The following AGPAT5 variants were observed in gnomAD, a reference collection of about 807,000 sequenced individuals.
The protein encoded by AGPAT5 is 1-acylglycerol-3-phosphate O-acyltransferase 5, also known as 1-acyl-sn-glycerol-3-phosphate acyltransferase epsilon.
AGPAT5 carries 46 observed loss-of-function variants against 45.6 expected under a neutral mutation model. That is an observed-to-expected ratio of 1.01 (90% confidence interval 0.80 to 1.29). AGPAT5 has a LOEUF of 1.29. AGPAT5 is among the 50% of genes most tolerant of loss of function. The pLI is 0.00. For missense variants in AGPAT5, 673 were observed against 450.7 expected, an observed-to-expected ratio of 1.49 and a Z score of -4.47; for synonymous variants, 272 against 167.0, an observed-to-expected ratio of 1.63 and a Z score of -4.85.
rs1801900249 is a variant in AGPAT5, at chr8:6,757,927, T to G, written c.*539T>G. ...AAAAGTGTTCATGGGGAAAAAGCTC[T>G]GTTTAGCACATGATTTTATTGTATT... On this transcript the variant is annotated 3_prime_UTR_variant, in exon 8 of 8. Coordinates refer to ENST00000285518, the MANE Select transcript of AGPAT5 (RefSeq NM_018361.5). 1 of 152,598 alleles carries G rather than the reference T, an allele frequency of 6.6e-6. No individual in the cohort carries two copies. The highest frequency in any genetic ancestry group is 6.5e-5 in the Admixed American group (1 of 15,348). 9.5% of individuals were successfully genotyped at this position (152,598 alleles called of 1,614,324 possible).
At chr8:6,709,088 G>A in intron 1 of AGPAT5, 1 of 665,926 alleles carries the variant, frequency 1.5e-6, no homozygotes. Context: ...CTGTGGCTGC[G>A]TCGTCCTGAG....
intron 1 of AGPAT5, 172 bp downstream of exon 1, chr8:6,709,059 G>C: frequency 1.4e-6 from 1 of 740,060 alleles, no homozygotes; most frequent in South Asian, 1.5e-5. Context: ...CCGTTCTGCC[G>C]AGATCGCTCT....
At chr8:6,708,975 C>T in intron 1 of AGPAT5, 88 bp downstream of exon 1, 4 of 1,340,924 alleles carry the variant, frequency 3.0e-6, no homozygotes, top group African/African-American at 1.4e-5. Context: ...TGGCGAGGGT[C>T]ACCCGGCCGG....
At position 6,720,882 on chromosome 8, in the gene AGPAT5, G is replaced by C. The variant is rs535966078; in HGVS notation, c.220-3988G>C. Among the ~76,000 whole-genome samples the C allele has an allele frequency of 2.6e-5, 4 of 152,348 alleles. No homozygotes were observed. In the East Asian group the frequency reaches 7.7e-4, roughly 29 times the overall value. Reference sequence around the variant, plus strand: ...TCATTGATCTCATTGAATGCAGTCAGCCAGTTTATTCACTAGACATGGTAA... The same window carrying C: ...TCATTGATCTCATTGAATGCAGTCACCCAGTTTATTCACTAGACATGGTAA... On this transcript the variant is annotated intron_variant, in intron 1 of 7. Transcript: ENST00000285518.
chr8:6,737,676 C>T (rs1361326553), intron 4 of AGPAT5, among the ~76,000 whole-genome samples: 5 of 152,160 alleles, frequency 3.3e-5, no homozygotes. Flanking sequence ...CACTTAAGTT[C>T]CTTTTCAGAT....
At chr8:6,718,856 CA>C (rs1324577155) in intron 1 of AGPAT5, among the ~76,000 whole-genome samples, 2 of 152,170 alleles carry the variant, frequency 1.3e-5, no homozygotes, top group Non-Finnish European at 2.9e-5. Context: ...ACATCAGCAA[CA>C]TATAGGCTTA....
chr8:6,745,304 T>A (rs1801402405), intron 5 of AGPAT5: 1 of 154,412 alleles, frequency 6.5e-6, no homozygotes, highest in Admixed American at 6.5e-5. Context: ...GCCTTACTTC[T>A]CTGCAGGGGT....
intron 1 of AGPAT5, among the ~76,000 whole-genome samples, chr8:6,715,829 A>T (rs1420942988): frequency 6.6e-6 from 1 of 152,262 alleles, no homozygotes; most frequent in Non-Finnish European, 1.5e-5. Flanking sequence ...GGAGAAGGCT[A>T]TAAAAATTAC....
At chr8:6,754,983 A>G (rs191993349) in intron 6 of AGPAT5, 68 bp from the exon 7 acceptor site, 1 of 1,310,798 alleles carries the variant, frequency 7.6e-7, no homozygotes, top group South Asian at 1.8e-5. Context: ...CCTTATTTTC[A>G]TTTTTACTTT....
intron 6 of AGPAT5, among the ~76,000 whole-genome samples, chr8:6,749,309 T>A (rs755098605): frequency 6.6e-6 from 1 of 152,126 alleles, no homozygotes; most frequent in African/African-American, 2.4e-5. Flanking sequence ...GTATAAAAAT[T>A]GGTTATGGTC....
At chr8:6,717,424 A>C (rs1220444682) in intron 1 of AGPAT5, among the ~76,000 whole-genome samples, 1 of 152,244 alleles carries the variant, frequency 6.6e-6, no homozygotes, top group Non-Finnish European at 1.5e-5. Flanking sequence ...TCCCAGCCAC[A>C]TATTAAGTGC....
chr8:6,739,146 C>A (rs1236507497), intron 4 of AGPAT5, among the ~76,000 whole-genome samples: 1 of 151,172 alleles, frequency 6.6e-6, no homozygotes, highest in Non-Finnish European at 1.5e-5. Flanking sequence ...TTATATTGAT[C>A]TATATATATA....
intron 1 of AGPAT5, among the ~76,000 whole-genome samples, chr8:6,718,245 G>T (rs1223409118): frequency 6.6e-6 from 1 of 152,160 alleles, no homozygotes; most frequent in Non-Finnish European, 1.5e-5. Flanking sequence ...GCCTTCTTGG[G>T]TGGCACAGGC....
chr8:6,732,746 T>A, intron 4 of AGPAT5, 96 bp downstream of exon 4: 1 of 1,114,898 alleles, frequency 9.0e-7, no homozygotes. Flanking sequence ...CAATGTATTT[T>A]CCCATGTGTA....
At chr8:6,713,175 G>A (rs112609475) in intron 1 of AGPAT5, among the ~76,000 whole-genome samples, 3,286 of 152,250 alleles carry the variant, frequency 0.022, 121 homozygotes, top group African/African-American at 0.075. Context: ...TTTCTGTGTT[G>A]CCCAGGCTGG....
intron 4 of AGPAT5, 128 bp downstream of exon 4, chr8:6,732,778 T>G: frequency 1.2e-6 from 1 of 865,542 alleles, no homozygotes; most frequent in Admixed American, 3.4e-5. Flanking sequence ...AGGGTTATGC[T>G]GAGGTAACAG....
chr8:6,730,989 C>T (rs974110700), intron 3 of AGPAT5, among the ~76,000 whole-genome samples, 163 bp downstream of exon 3: 2 of 151,792 alleles, frequency 1.3e-5, no homozygotes, highest in South Asian at 2.1e-4. Flanking sequence ...CTGCCTCTGC[C>T]TCCCAAGTAG....
chr8:6,723,691 C>A (rs1041890476), intron 1 of AGPAT5, among the ~76,000 whole-genome samples: 2 of 152,192 alleles, frequency 1.3e-5, no homozygotes, highest in Admixed American at 6.5e-5. Context: ...AATAAAAACT[C>A]ATTGTGCAAA....
chr8:6,728,055 A>G (rs967001411), intron 2 of AGPAT5, among the ~76,000 whole-genome samples: 3 of 152,210 alleles, frequency 2.0e-5, no homozygotes, highest in Middle Eastern at 3.2e-3. Context: ...AGCGCTGCAC[A>G]TGCAGTATCT....
Sources: gnomAD v4.1 joint callset for allele counts (sites outside exome capture counted in the v4.1 genomes callset) on GRCh38, gnomAD v4.1.1 for gene constraint, MANE v1.5 for transcripts, NCBI Gene and HGNC (gene_info 2026-07-23, HGNC 2026-07-21) for gene names.